The following TMPRSS15 variants were observed in gnomAD, a reference collection of about 807,000 sequenced individuals.
The protein encoded by TMPRSS15 is transmembrane serine protease 15.
TMPRSS15 carries 128 observed loss-of-function variants against 125.3 expected under a neutral mutation model. The ratio of observed to expected loss-of-function variants is 1.02; its 90% CI spans 0.89 to 1.18. TMPRSS15 has a LOEUF of 1.18. Among genes scored for constraint, TMPRSS15 ranks in the 50% most tolerant of loss-of-function variants. The probability of loss-of-function intolerance (pLI) is 0.00; values close to 1 mark genes in which losing one functional copy is unlikely to be tolerated. For missense variants in TMPRSS15, 1,283 were observed against 1,212.7 expected (o/e 1.06, Z -0.86); for synonymous variants, 446 against 423.2 (o/e 1.05, Z -0.66).
intron 23 of TMPRSS15, 40 bp downstream of exon 23, chr21:18,278,924 G>GTTTTTTTTTTTT (rs59972471): frequency 9.5e-5 from 42 of 440,152 alleles, no homozygotes; most frequent in South Asian, 1.9e-4. Context: ...CACCAGTAAG[G>GTTTTTTTTTTTT]TTTTTTTTTT....
At chr21:18,350,186 T>C (rs1422956659) in intron 10 of TMPRSS15, among the ~76,000 whole-genome samples, 5 of 152,250 alleles carry the variant, frequency 3.3e-5, no homozygotes, top group Non-Finnish European at 5.9e-5. Context: ...TTTTCAGCTG[T>C]GTAATTAGTG....
chr21:18,381,026 G>T (rs978437398), intron 4 of TMPRSS15, among the ~76,000 whole-genome samples: 1 of 152,012 alleles, frequency 6.6e-6, no homozygotes, highest in East Asian at 1.9e-4. Flanking sequence ...TAAGTAAAAA[G>T]TGCTTTGCAC....
intron 6 of TMPRSS15, among the ~76,000 whole-genome samples, chr21:18,368,596 C>T (rs993823798): frequency 3.3e-5 from 5 of 152,006 alleles, no homozygotes; most frequent in African/African-American, 9.7e-5. Context: ...TTTCTTGCAC[C>T]GTGATATAGG....
chr21:18,482,772 A>G (rs1175318528), intron 1 of TMPRSS15, among the ~76,000 whole-genome samples: 1 of 151,572 alleles, frequency 6.6e-6, no homozygotes, highest in African/African-American at 2.4e-5. Context: ...TTTTCCTTAT[A>G]TTAGTCTAGG....
At chr21:18,423,539 G>A (rs1426258379) in intron 1 of TMPRSS15, among the ~76,000 whole-genome samples, 15 of 151,064 alleles carry the variant, frequency 9.9e-5, no homozygotes, top group Admixed American at 9.9e-4. Context: ...CTCCTGAGTA[G>A]CTGGGACTAC....
At chr21:18,355,757 A>G (rs2075618723) in intron 8 of TMPRSS15, among the ~76,000 whole-genome samples, 1 of 151,832 alleles carries the variant, frequency 6.6e-6, no homozygotes, top group Non-Finnish European at 1.5e-5. Flanking sequence ...TATATACTAA[A>G]TGCTTAGTGA....
At chr21:18,472,456 TA>T (rs1307879500) in intron 1 of TMPRSS15, among the ~76,000 whole-genome samples, 3 of 2,180 alleles carry the variant, frequency 1.4e-3, no homozygotes, top group Non-Finnish European at 1.6e-3. Flanking sequence ...CTAAAAGAAT[TA>T]TATATATATA....
At chr21:18,482,678 T>C (rs936052137) in intron 1 of TMPRSS15, among the ~76,000 whole-genome samples, 26 of 151,744 alleles carry the variant, frequency 1.7e-4, no homozygotes, top group African/African-American at 5.8e-4. Flanking sequence ...ATGATATGAT[T>C]TTACCTATTG....
intron 1 of TMPRSS15, among the ~76,000 whole-genome samples, chr21:18,445,164 AC>A (rs1159203504): frequency 6.6e-6 from 1 of 150,900 alleles, no homozygotes; most frequent in Non-Finnish European, 1.5e-5. Flanking sequence ...ATATATATAT[AC>A]CCCATTTAAA....
intron 1 of TMPRSS15, among the ~76,000 whole-genome samples, chr21:18,401,572 G>A (rs1303969522): frequency 6.6e-6 from 1 of 152,120 alleles, no homozygotes; most frequent in African/African-American, 2.4e-5. Context: ...AGACACTGGG[G>A]ACTACCAGAA....
intron 21 of TMPRSS15, among the ~76,000 whole-genome samples, chr21:18,285,924 T>G (rs9980111): frequency 0.48 from 72,291 of 152,066 alleles, 18,802 homozygotes; most frequent in Non-Finnish European, 0.6. Context: ...GGACAAGAGT[T>G]TCATATATGT....
chr21:18,294,322 C>T lies in TMPRSS15; in HGVS notation c.2434G>A (p.Ala812Thr), dbSNP rs372571410. 8.7e-6 allele frequency: 14 copies of T among 1,614,084 alleles called. No homozygotes were observed. The highest frequency in any genetic ancestry group is 5.0e-5 in the Admixed American group (3 of 60,010). The change falls in exon 21 of 25, where the codon GCA becomes ACA. Residue 812 changes from alanine to threonine, a missense_variant. By Grantham distance (58) the Ala-to-Thr change is moderately conservative (BLOSUM62 0). Coordinates refer to ENST00000284885, the MANE Select transcript of TMPRSS15 (RefSeq NM_002772.3). ...LYYGGRLLCG[A>T]SLVSSDWLVS... ...AGCCAGTCACTGCTGACGAGAGATG[C>T]GCCGCAGAGCAGTCGGCCGCCATAA...
intron 1 of TMPRSS15, among the ~76,000 whole-genome samples, chr21:18,440,060 T>C (rs1293788591): frequency 2.0e-5 from 3 of 152,170 alleles, no homozygotes; most frequent in Admixed American, 2.0e-4. Flanking sequence ...ATTTTACCTA[T>C]GTGGAACTCA....
At chr21:18,455,036 G>T (rs778221927) in intron 1 of TMPRSS15, among the ~76,000 whole-genome samples, 1 of 152,084 alleles carries the variant, frequency 6.6e-6, no homozygotes, top group Non-Finnish European at 1.5e-5. Context: ...CATGGGGGCA[G>T]TTACCCTCAT....
chr21:18,483,581 T>A (rs1269508159), intron 1 of TMPRSS15, among the ~76,000 whole-genome samples: 2 of 151,998 alleles, frequency 1.3e-5, no homozygotes, highest in Admixed American at 6.6e-5. Flanking sequence ...CAAGCCTCGA[T>A]TAGAGATTTG....
chr21:18,279,629 C>T (rs773181607), intron 22 of TMPRSS15, among the ~76,000 whole-genome samples: 1 of 151,672 alleles, frequency 6.6e-6, no homozygotes, highest in African/African-American at 2.4e-5. Flanking sequence ...CCACCGCACC[C>T]GGCCCTCATT....
chr21:18,297,744 G>A lies in TMPRSS15; in HGVS notation c.2251C>T (p.Leu751=), dbSNP rs1843517964. ...LNTAPDGHLI[L]TPSQQCLQDS... is the part of the protein sequence containing the mutation. ...GATTTAGGGACCCACCTGGGTGTTA[G>A]TATTAAGTGGCCATCAGGTGCTGTG... The change falls in exon 19 of 25, where the codon CTA becomes TTA. Residue 751 remains leucine (L), a synonymous_variant. Coordinates refer to ENST00000284885, the MANE Select transcript of TMPRSS15 (RefSeq NM_002772.3). The A allele has an allele frequency of 6.2e-7, 1 of 1,612,980 alleles. No individual in the cohort carries two copies. Among genetic ancestry groups the A allele is most frequent in the Non-Finnish European group, 8.5e-7 (1 of 1,178,986 alleles).
chr21:18,341,345 A>G lies in TMPRSS15; in HGVS notation c.1564+68T>C. ...TTCAGCCTCCCGAAGTGCTGGAATT[A>G]TAGCTGTGAGCCTCCACACCTGACG... On this transcript the variant is annotated intron_variant, in intron 13 of 24. Coordinates refer to ENST00000284885, the MANE Select transcript of TMPRSS15 (RefSeq NM_002772.3). The G allele has an allele frequency of 3.1e-6, 5 of 1,591,416 alleles. No individual in the cohort carries two copies. The South Asian group carries it at 4.4e-5, about 14-fold the overall frequency.
chr21:18,335,778 A>G (rs897620378), intron 13 of TMPRSS15, among the ~76,000 whole-genome samples: 2 of 152,180 alleles, frequency 1.3e-5, no homozygotes, highest in African/African-American at 4.8e-5. Context: ...TCTAGCAGAG[A>G]TGTGGCATGT....
Sources: gnomAD v4.1 joint callset for allele counts (sites outside exome capture counted in the v4.1 genomes callset) on GRCh38, gnomAD v4.1.1 for gene constraint, MANE v1.5 for transcripts, NCBI Gene and HGNC (gene_info 2026-07-23, HGNC 2026-07-21) for gene names.